DLC1: variants seen among roughly 807,000 people sequenced by gnomAD.
DLC1 encodes rho GTPase-activating protein 7.
A neutral mutation model predicts 140.3 loss-of-function variants in DLC1; 54 were observed. That is an observed-to-expected ratio of 0.38 (90% confidence interval 0.31 to 0.48). The LOEUF is 0.48. Among genes scored for constraint, DLC1 ranks in the 20% least tolerant of loss-of-function variants. The pLI, the probability that DLC1 is intolerant of heterozygous loss-of-function variation, is 0.96. For missense variants in DLC1, 2,536 were observed against 1,907.0 expected, an observed-to-expected ratio of 1.33 and a Z score of -6.14; for synonymous variants, 986 against 728.1, an observed-to-expected ratio of 1.35 and a Z score of -5.70.
intron 2 of DLC1, among the ~76,000 whole-genome samples, chr8:13,442,299 G>T (rs551802516): frequency 1.3e-5 from 2 of 152,272 alleles, no homozygotes; most frequent in African/African-American, 4.8e-5. Context: ...CATGGGCAAG[G>T]ACTTCATGTC....
chr8:13,347,495 TA>T, intron 4 of DLC1, among the ~76,000 whole-genome samples: 1 of 152,158 alleles, frequency 6.6e-6, no homozygotes, highest in East Asian at 1.9e-4. Context: ...CTTGGGAATT[TA>T]ACCTCTCCTC....
rs749887372 is a variant in DLC1 at position 13,110,730 on chromosome 8, G to A, written c.1502+12C>T. The A allele has an allele frequency of 9.3e-6, 15 of 1,610,528 alleles. No individual in the cohort carries two copies. Among genetic ancestry groups the A allele is most frequent in the African/African-American group, 6.7e-5 (5 of 74,808 alleles). ...AATAAAAAAGGAAAACACTCAAAACGTGTCCATTTACCTGCATAGAGCCTC... is the reference window on the plus strand; with the variant it reads ...AATAAAAAAGGAAAACACTCAAAACATGTCCATTTACCTGCATAGAGCCTC... On this transcript the variant is annotated intron_variant, in intron 7 of 17. Coordinates refer to ENST00000276297, the MANE Select transcript of DLC1 (RefSeq NM_182643.3).
intron 5 of DLC1, among the ~76,000 whole-genome samples, chr8:13,208,049 T>A (rs1303828597): frequency 2.0e-5 from 3 of 152,222 alleles, no homozygotes; most frequent in African/African-American, 7.2e-5. Context: ...TATTTTGATT[T>A]AAAATCCATC....
chr8:13,378,295 G>A (rs1269575316), intron 4 of DLC1, among the ~76,000 whole-genome samples: 1 of 151,200 alleles, frequency 6.6e-6, no homozygotes, highest in East Asian at 2.0e-4. Flanking sequence ...TCTCATCAGA[G>A]AAGAAAGTCC....
At chr8:13,132,947 T>C (rs1296608650) in intron 5 of DLC1, 1 of 1,609,308 alleles carries the variant, frequency 6.2e-7, no homozygotes, top group Admixed American at 1.7e-5. Context: ...AGCTTACGTG[T>C]TAGGATCATG....
intron 1 of DLC1, among the ~76,000 whole-genome samples, chr8:13,577,081 G>A (rs1486996202): frequency 6.6e-6 from 1 of 152,080 alleles, no homozygotes; most frequent in African/African-American, 2.4e-5. Context: ...TAAGGTTGTG[G>A]TAATCCACCA....
chr8:13,098,490 C>T lies in DLC1; in HGVS notation c.3076G>A (p.Ala1026Thr). 6.2e-7 allele frequency: 1 copy of T among 1,614,168 alleles called. No individual in the cohort carries two copies. Among genetic ancestry groups the T allele is most frequent in the Non-Finnish European group, 8.5e-7 (1 of 1,180,042 alleles). Residue 1026 changes from alanine to threonine, a missense_variant, in exon 10 of 18, where the codon GCC becomes ACC. By Grantham distance (58) the Ala-to-Thr change is moderately conservative. Coordinates refer to ENST00000276297, the MANE Select transcript of DLC1 (RefSeq NM_182643.3). ...TATTTCTGCAGCAGGTTCATCTGGG[C>T]CACAGACTGGCAGTTAATCTGTAGT... The part of the protein sequence containing the change: ...VSLQINCQSV[A>T]QMNLLQKYSL...
intron 5 of DLC1, among the ~76,000 whole-genome samples, chr8:13,291,981 A>T (rs1006381523): frequency 2.9e-5 from 2 of 68,766 alleles, no homozygotes; most frequent in Non-Finnish European, 6.0e-5. Flanking sequence ...AAAAAATGCA[A>T]TGTTTTCTTT....
intron 2 of DLC1, among the ~76,000 whole-genome samples, chr8:13,442,210 G>A (rs1157514677): frequency 6.6e-6 from 1 of 152,090 alleles, no homozygotes; most frequent in Non-Finnish European, 1.5e-5. Context: ...CATTCAAGAT[G>A]GATTAAAGAC....
intron 5 of DLC1, among the ~76,000 whole-genome samples, chr8:13,167,434 G>A (rs1008981551): frequency 2.6e-5 from 4 of 152,098 alleles, no homozygotes; most frequent in East Asian, 1.9e-4. Context: ...GGATTTAGCC[G>A]AGGTCCTTTC....
At chr8:13,468,434 A>C (rs1194833361) in intron 2 of DLC1, among the ~76,000 whole-genome samples, 1 of 141,352 alleles carries the variant, frequency 7.1e-6, no homozygotes, top group Non-Finnish European at 1.5e-5. Flanking sequence ...AGGCCGGAGT[A>C]TGGTGGTGGG....
intron 5 of DLC1, among the ~76,000 whole-genome samples, chr8:13,296,288 C>T (rs1209562435): frequency 1.3e-5 from 2 of 151,958 alleles, no homozygotes; most frequent in Admixed American, 1.3e-4. Flanking sequence ...TCTTTAGTGG[C>T]TTTCTTGATA....
At chr8:13,228,518 G>T (rs1344385759) in intron 5 of DLC1, among the ~76,000 whole-genome samples, 2 of 152,048 alleles carry the variant, frequency 1.3e-5, no homozygotes, top group Non-Finnish European at 2.9e-5. Flanking sequence ...TGAGGTGGGA[G>T]GATTGGGAGG....
In DLC1 at chr8:13,576,476, A is replaced by G. The variant is rs148269317; in HGVS notation, c.-126+28061T>C. ...TGAGAATGTAAACATCGAAATATAT[A>G]AAAAATGTAAACATAGAAATATGTT... On this transcript the variant is annotated intron_variant, in intron 1 of 1. Coordinates refer to the DLC1 transcript ENST00000631382. 2.5e-3 allele frequency among the ~76,000 whole-genome samples: 379 copies of G among 152,338 alleles called. 1 individual carries two copies. Among genetic ancestry groups the G allele is most frequent in the African/African-American group, 8.6e-3 (359 of 41,568 alleles).
At chr8:13,398,697 T>C (rs1026173858) in intron 3 of DLC1, among the ~76,000 whole-genome samples, 2 of 151,524 alleles carry the variant, frequency 1.3e-5, no homozygotes, top group Admixed American at 1.3e-4. Context: ...TGAGGACTAG[T>C]AGGAACAGAG....
At chr8:13,406,825 T>G (rs1166290189) in intron 2 of DLC1, among the ~76,000 whole-genome samples, 1 of 152,202 alleles carries the variant, frequency 6.6e-6, no homozygotes, top group Admixed American at 6.5e-5. Flanking sequence ...GTTTAGAACA[T>G]GAACAGGCTA....
intron 5 of DLC1, among the ~76,000 whole-genome samples, chr8:13,153,515 T>C (rs35773395): frequency 0.055 from 8,409 of 152,292 alleles, 342 homozygotes; most frequent in Middle Eastern, 0.075. Context: ...AGGTCGCCAC[T>C]GCTGGCTCCA....
At chr8:13,442,905 A>G (rs951248939) in intron 2 of DLC1, among the ~76,000 whole-genome samples, 72 of 152,194 alleles carry the variant, frequency 4.7e-4, no homozygotes, top group African/African-American at 1.5e-3. Context: ...ACATGCACGC[A>G]TATGTTTATT....
intron 5 of DLC1, among the ~76,000 whole-genome samples, chr8:13,193,627 A>G (rs1215141500): frequency 6.6e-6 from 1 of 152,208 alleles, no homozygotes; most frequent in Non-Finnish European, 1.5e-5. Context: ...TACTGCTTAC[A>G]CCAGCAACGG....
Sources: gnomAD v4.1 joint callset for allele counts (sites outside exome capture counted in the v4.1 genomes callset) on GRCh38, gnomAD v4.1.1 for gene constraint, MANE v1.5 for transcripts, NCBI Gene and HGNC (gene_info 2026-07-23, HGNC 2026-07-21) for gene names.